The following FAM185A variants were observed in gnomAD, a reference collection of about 807,000 sequenced individuals.
The protein encoded by FAM185A is family with sequence similarity 185 member A, also known as protein FAM185A.
In FAM185A, 21 loss-of-function variants were observed where a neutral mutation model predicts 45.7. The observed-to-expected ratio is 0.46, with a 90% confidence interval of 0.33 to 0.66. FAM185A has a LOEUF of 0.66. Among genes scored for constraint, FAM185A ranks in the 30% least tolerant of loss-of-function variants. FAM185A has a pLI of 0.03. For synonymous variants in FAM185A, 117 were observed against 194.0 expected, an observed-to-expected ratio of 0.60 and a Z score of 3.30; for missense variants, 305 against 485.4, an observed-to-expected ratio of 0.63 and a Z score of 3.49.
intron 2 of FAM185A, among the ~76,000 whole-genome samples, chr7:102,752,631 G>T (rs1201727293): frequency 1.4e-5 from 2 of 146,528 alleles, no homozygotes; most frequent in African/African-American, 2.5e-5. Context: ...TCACTGTATT[G>T]CCCAGGCTGG....
rs554694258 is a variant in FAM185A, at chr7:102,808,562, A to G, written c.*160A>G. 1.7e-6 allele frequency: 1 copy of G among 595,230 alleles called. No individual in the cohort carries two copies. Among genetic ancestry groups the G allele is most frequent in the Non-Finnish European group, 3.0e-6 (1 of 334,820 alleles). 36.9% of individuals were successfully genotyped at this position (595,230 alleles called of 1,614,324 possible). On this transcript the variant is annotated 3_prime_UTR_variant, in exon 8 of 8. Coordinates refer to ENST00000413034, the MANE Select transcript of FAM185A (RefSeq NM_001145268.2). ...GCTTTTTCAAAATTTGTGCTTTGCT[A>G]TTGTATTCATTTTCTACTGCTCTGT...
the FAM185A span, among the ~76,000 whole-genome samples, chr7:102,820,769 A>G: frequency 6.6e-6 from 1 of 152,240 alleles, no homozygotes; most frequent in African/African-American, 2.4e-5. Flanking sequence ...TCCCATGATA[A>G]CTAACTCACT....
chr7:102,784,116 C>G (rs949776220), intron 6 of FAM185A, among the ~76,000 whole-genome samples: 7 of 152,086 alleles, frequency 4.6e-5, no homozygotes, highest in Non-Finnish European at 7.4e-5. Context: ...CACATACACC[C>G]TCCCAAGACT....
intron 5 of FAM185A, among the ~76,000 whole-genome samples, chr7:102,776,702 T>TA (rs72022042): frequency 3.7e-3 from 356 of 97,050 alleles, no homozygotes; most frequent in African/African-American, 6.0e-3. Context: ...ACCCTGTCTC[T>TA]AAAAAAAAAA....
chr7:102,754,587 A>AT (rs2129432267), intron 2 of FAM185A, among the ~76,000 whole-genome samples: 1 of 152,398 alleles, frequency 6.6e-6, no homozygotes, highest in East Asian at 1.9e-4. Flanking sequence ...AATTTTCTCC[A>AT]TTTTATCAAG....
the FAM185A span, among the ~76,000 whole-genome samples, chr7:102,829,758 G>T: frequency 1.3e-5 from 2 of 152,148 alleles, no homozygotes; most frequent in Non-Finnish European, 2.9e-5. Flanking sequence ...GATAGATAAG[G>T]TGACCATTCA....
chr7:102,849,266 T>C, the FAM185A span, among the ~76,000 whole-genome samples: 117 of 152,314 alleles, frequency 7.7e-4, no homozygotes, highest in Non-Finnish European at 1.3e-3. Flanking sequence ...AACATAATCA[T>C]TGAATGTCTG....
intron 4 of FAM185A, among the ~76,000 whole-genome samples, chr7:102,765,206 G>C (rs1405320669): frequency 6.6e-6 from 1 of 152,136 alleles, no homozygotes; most frequent in African/African-American, 2.4e-5. Flanking sequence ...CTGGCTCACT[G>C]TAAAGATGTT....
the FAM185A span, chr7:102,822,041 T>C: frequency 9.3e-6 from 15 of 1,614,044 alleles, no homozygotes; most frequent in South Asian, 1.6e-4. Context: ...CATACTTACT[T>C]GGAAATATTT....
chr7:102,816,006 C>T, the FAM185A span, among the ~76,000 whole-genome samples: 27 of 152,130 alleles, frequency 1.8e-4, no homozygotes, highest in Non-Finnish European at 3.4e-4. Flanking sequence ...GGGACAGAAT[C>T]GAAATGAGCT....
chr7:102,805,807 C>A (rs1476809547), intron 7 of FAM185A, among the ~76,000 whole-genome samples: 9 of 152,060 alleles, frequency 5.9e-5, no homozygotes, highest in Non-Finnish European at 8.8e-5. Context: ...CATCTAGAAG[C>A]AGGGGGGCTG....
At chr7:102,753,981 T>A (rs1793528526) in intron 2 of FAM185A, among the ~76,000 whole-genome samples, 1 of 152,184 alleles carries the variant, frequency 6.6e-6, no homozygotes. Flanking sequence ...AAATTACGCC[T>A]GTGGATACTA....
At chr7:102,843,005 C>T in the FAM185A span, among the ~76,000 whole-genome samples, 3 of 152,168 alleles carry the variant, frequency 2.0e-5, no homozygotes, top group East Asian at 1.9e-4. Context: ...TCCCTTATGC[C>T]GAATCCCTCC....
At chr7:102,844,761 TC>T in the FAM185A span, among the ~76,000 whole-genome samples, 6 of 152,134 alleles carry the variant, frequency 3.9e-5, no homozygotes, top group Admixed American at 3.3e-4. Context: ...AAGAGCCCAA[TC>T]CCAGTAGATT....
intron 7 of FAM185A, among the ~76,000 whole-genome samples, chr7:102,806,298 C>T (rs1224509336): frequency 6.6e-6 from 1 of 152,214 alleles, no homozygotes; most frequent in East Asian, 1.9e-4. Context: ...AATTCTCCTA[C>T]CTCAGCCTCC....
At chr7:102,832,359 CCCTA>C in the FAM185A span, among the ~76,000 whole-genome samples, 3 of 152,156 alleles carry the variant, frequency 2.0e-5, no homozygotes, top group African/African-American at 7.2e-5. Context: ...TCCACTAAGG[CCCTA>C]GCTCAATGAA....
At chr7:102,844,912 CTTA>C in the FAM185A span, among the ~76,000 whole-genome samples, 2 of 152,108 alleles carry the variant, frequency 1.3e-5, no homozygotes, top group African/African-American at 4.8e-5. Flanking sequence ...TGTTTACCAG[CTTA>C]TTATATAATA....
At chr7:102,755,915 A>T (rs1793692796) in intron 2 of FAM185A, 2 of 686,442 alleles carry the variant, frequency 2.9e-6, no homozygotes, top group Non-Finnish European at 5.1e-6. Flanking sequence ...CAAAGGCTAA[A>T]GAACTTGCCA....
At chr7:102,778,094 TTGCA>T (rs774099025) in intron 6 of FAM185A, among the ~76,000 whole-genome samples, 4 of 152,248 alleles carry the variant, frequency 2.6e-5, no homozygotes, top group Non-Finnish European at 4.4e-5. Flanking sequence ...CTAGCAGCTC[TTGCA>T]TGTTGGCCAG....
Sources: gnomAD v4.1 joint callset for allele counts (sites outside exome capture counted in the v4.1 genomes callset) on GRCh38, gnomAD v4.1.1 for gene constraint, MANE v1.5 for transcripts, NCBI Gene and HGNC (gene_info 2026-07-23, HGNC 2026-07-21) for gene names.